The following ABCA12 variants were observed in gnomAD, a reference collection of about 807,000 sequenced individuals.
The protein encoded by ABCA12 is glucosylceramide transporter ABCA12.
Under a neutral mutation model 293.5 loss-of-function variants are expected in ABCA12, and 156 were observed. The ratio of observed to expected loss-of-function variants is 0.53; its 90% CI spans 0.47 to 0.61. The LOEUF is 0.61. Ranked by LOEUF, ABCA12 falls within the 20% of genes least tolerant of loss-of-function variation. The probability of loss-of-function intolerance (pLI) is 0.00; values close to 1 mark genes in which losing one functional copy is unlikely to be tolerated. For synonymous variants in ABCA12, 1,063 were observed against 1,108.0 expected, an observed-to-expected ratio of 0.96 and a Z score of 0.81; for missense variants, 2,797 against 3,090.2, an observed-to-expected ratio of 0.91 and a Z score of 2.25.
At position 214,989,617 on chromosome 2, in the gene ABCA12, A is replaced by G; in HGVS notation, c.3629T>C (p.Leu1210Pro). The part of the protein sequence containing the change: ...LSYVLKVFMS[L>P]LSPTAFSYAS... ...ATAGCTGAATGCTGTTGGGGACAGC[A>G]GGCTCTGTGAAGAAAGGAAACGGCA... The change falls in exon 25 of 53, where the codon CTG becomes CCG. Residue 1210 changes from leucine (L) to proline (P), a missense_variant. Coordinates refer to ENST00000272895, the MANE Select transcript of ABCA12 (RefSeq NM_173076.3). 6.2e-7 allele frequency: 1 copy of G among 1,613,912 alleles called. No individual in the cohort carries two copies. Among genetic ancestry groups the G allele is most frequent in the Middle Eastern group, 1.7e-4 (1 of 6,060 alleles).
At chr2:214,992,398 A>G (rs1486810810) in intron 23 of ABCA12, among the ~76,000 whole-genome samples, 9 of 144,032 alleles carry the variant, frequency 6.2e-5, no homozygotes, top group African/African-American at 1.3e-4. Flanking sequence ...AGCCGAGATC[A>G]CACCACTGCA....
At chr2:215,115,744 T>C (rs1026244326) in intron 1 of ABCA12, among the ~76,000 whole-genome samples, 4 of 152,224 alleles carry the variant, frequency 2.6e-5, no homozygotes, top group Non-Finnish European at 4.4e-5. Context: ...CTTCTTTTCC[T>C]GAAAAATTCA....
chr2:214,981,014 G>T (rs1699637152), intron 30 of ABCA12, among the ~76,000 whole-genome samples: 1 of 151,734 alleles, frequency 6.6e-6, no homozygotes, highest in Non-Finnish European at 1.5e-5. Context: ...GAACCCGGGA[G>T]GTGGAGGGTG....
At chr2:215,109,822 G>C (rs1173733238) in intron 2 of ABCA12, among the ~76,000 whole-genome samples, 2 of 152,128 alleles carry the variant, frequency 1.3e-5, no homozygotes. Context: ...TTTTACAAGA[G>C]GAACTTTATG....
chr2:214,952,175 A>G (rs1291970014), intron 44 of ABCA12, among the ~76,000 whole-genome samples: 1 of 151,748 alleles, frequency 6.6e-6, no homozygotes, highest in African/African-American at 2.4e-5. Context: ...CCTTATTCCA[A>G]AATCATGTAG....
In ABCA12 at chr2:215,004,167, C is replaced by T. The variant is rs764414141; in HGVS notation, c.2683+42G>A. 1.8e-5 allele frequency: 27 copies of T among 1,501,082 alleles called. No homozygotes were observed. In the East Asian group the frequency reaches 2.5e-4, roughly 14 times the overall value. The allele number at this position is 1,501,082 out of a possible 1,614,324, so 93.0% of individuals were successfully genotyped here. A position where few individuals can be genotyped will look rare whatever the true frequency, so the allele number is the denominator to read the frequency against. ...TATGGAACAATGTTGTTTATATGTCCGACATGACTCATGAATAAAAGCTTT... is the reference window on the plus strand; with the variant it reads ...TATGGAACAATGTTGTTTATATGTCTGACATGACTCATGAATAAAAGCTTT... On this transcript the variant is annotated intron_variant, in intron 20 of 52. Transcript: ENST00000272895.
intron 45 of ABCA12, among the ~76,000 whole-genome samples, chr2:214,950,178 G>A (rs762826138): frequency 6.6e-6 from 1 of 152,022 alleles, no homozygotes; most frequent in African/African-American, 2.4e-5. Context: ...AATATACAGT[G>A]GGATGTGCAT....
intron 29 of ABCA12, among the ~76,000 whole-genome samples, chr2:214,982,946 C>G (rs906008501): frequency 6.6e-6 from 1 of 152,070 alleles, no homozygotes; most frequent in African/African-American, 2.4e-5. Context: ...TGGTAGTCAT[C>G]TCAGAAAAGG....
At chr2:214,958,086 T>A (rs1699006063) in intron 41 of ABCA12, among the ~76,000 whole-genome samples, 191 bp downstream of exon 41, 1 of 152,108 alleles carries the variant, frequency 6.6e-6, no homozygotes. Flanking sequence ...TCCACAGAGA[T>A]GAGGGCCGGT....
At position 214,978,866 on chromosome 2, in the gene ABCA12, C is replaced by T. The variant is rs886055608; in HGVS notation, c.4915G>A (p.Asp1639Asn). ...GAYLSLLRALDNGMGDLNIGC... is the reference protein window; with the variant it reads ...GAYLSLLRALNNGMGDLNIGC... ...ATGTTGAGGTCACCCATGCCATTGT[C>T]GAGTGCCCGTAGGAGTGACAGGTAG... The change falls in exon 32 of 53, where the codon GAC becomes AAC. Residue 1639 changes from aspartate (D) to asparagine (N), a missense_variant. Coordinates refer to ENST00000272895, the MANE Select transcript of ABCA12 (RefSeq NM_173076.3). 11 of 1,613,888 alleles carry T rather than the reference C, an allele frequency of 6.8e-6. No individual in the cohort carries two copies. The highest frequency in any genetic ancestry group is 4.4e-5 in the South Asian group (4 of 91,072).
chr2:215,131,824 T>A (rs949562718), intron 1 of ABCA12, among the ~76,000 whole-genome samples: 1 of 151,770 alleles, frequency 6.6e-6, no homozygotes, highest in Non-Finnish European at 1.5e-5. Flanking sequence ...TCAAGTGTGA[T>A]GTTAAATTGT....
chr2:214,947,896 AC>A, intron 47 of ABCA12: 2 of 329,490 alleles, frequency 6.1e-6, no homozygotes, highest in Non-Finnish European at 1.2e-5. Flanking sequence ...AATTCACAAG[AC>A]AGGATTCTCA....
chr2:215,000,687 G>A lies in ABCA12; in HGVS notation c.3179+18C>T, dbSNP rs1700124844. 2 of 1,613,254 alleles carry A rather than the reference G, an allele frequency of 1.2e-6. No homozygotes were observed. Among genetic ancestry groups the A allele is most frequent in the African/African-American group, 1.3e-5 (1 of 74,930 alleles). On this transcript the variant is annotated intron_variant, in intron 22 of 52. Coordinates refer to ENST00000272895, the MANE Select transcript of ABCA12 (RefSeq NM_173076.3). The stretch of plus-strand genomic sequence containing the variant: ...AAAGTTGTTGATCATTAAAAAGGCT[G>A]GAAGTGCACACACTTACTTGTCTTT...
intron 8 of ABCA12, among the ~76,000 whole-genome samples, chr2:215,035,249 G>C (rs931653515): frequency 6.6e-6 from 1 of 152,180 alleles, no homozygotes; most frequent in African/African-American, 2.4e-5. Context: ...GATATTCTTG[G>C]CTTGATGAAC....
chr2:214,936,335 G>T (rs970018649), intron 51 of ABCA12, among the ~76,000 whole-genome samples: 1 of 152,088 alleles, frequency 6.6e-6, no homozygotes, highest in East Asian at 1.9e-4. Flanking sequence ...GGAGGTCTTG[G>T]AATGTATCAC....
At chr2:215,087,353 G>A (rs1391923343) in intron 2 of ABCA12, among the ~76,000 whole-genome samples, 1 of 152,104 alleles carries the variant, frequency 6.6e-6, no homozygotes, top group African/African-American at 2.4e-5. Context: ...TTATTAAAAT[G>A]GTTTACTGCA....
chr2:214,973,481 AT>A (rs1699434582), intron 36 of ABCA12, among the ~76,000 whole-genome samples: 1 of 152,080 alleles, frequency 6.6e-6, no homozygotes, highest in South Asian at 2.1e-4. Context: ...GTGATGAATA[AT>A]TTTTTTGTTT....
At chr2:215,036,204 T>C (rs1276222313) in intron 8 of ABCA12, among the ~76,000 whole-genome samples, 1 of 152,184 alleles carries the variant, frequency 6.6e-6, no homozygotes, top group Non-Finnish European at 1.5e-5. Context: ...CAGTGAGAAT[T>C]CTTCAAAGCC....
intron 7 of ABCA12, among the ~76,000 whole-genome samples, chr2:215,038,221 T>C (rs1701029292): frequency 6.6e-6 from 1 of 152,164 alleles, no homozygotes; most frequent in Non-Finnish European, 1.5e-5. Flanking sequence ...TATGCATATA[T>C]ATTTTCTAAC....
Sources: allele counts gnomAD v4.1 joint callset (sites outside exome capture counted in the v4.1 genomes callset), GRCh38; gene constraint gnomAD v4.1.1; transcripts MANE v1.5; gene names NCBI Gene and HGNC (gene_info 2026-07-23, HGNC 2026-07-21).